The following LAMA3 variants were observed in gnomAD, a reference collection of about 807,000 sequenced individuals.
The protein encoded by LAMA3 is laminin subunit alpha 3.
Under a neutral mutation model 402.0 loss-of-function variants are expected in LAMA3, and 281 were observed. The observed-to-expected ratio is 0.70, with a 90% CI of 0.63 to 0.77. LAMA3 has a LOEUF of 0.77. Ranked by LOEUF, LAMA3 falls within the 30% of genes least tolerant of loss-of-function variation. The probability of loss-of-function intolerance (pLI) is 0.00; values close to 1 mark genes in which losing one functional copy is unlikely to be tolerated. For synonymous variants in LAMA3, 1,431 were observed against 1,558.4 expected (o/e 0.92, Z 1.93); for missense variants, 3,840 against 4,215.5 (o/e 0.91, Z 2.47).
rs768751682 is a variant in LAMA3, at chr18:23,861,762, C to G, written c.4539C>G (p.Ile1513Met). The change falls in exon 35 of 75, where the codon ATC becomes ATG. Residue 1513 changes from isoleucine to methionine, a missense_variant. Physicochemically the swap from Ile to Met is conservative, Grantham distance 10. Coordinates refer to ENST00000313654, the MANE Select transcript of LAMA3 (RefSeq NM_198129.4). ...ATCTCCAGGAGCTGCCCGCAACCAT[C>G]CACAGCGCGTCCTGGGTCGCACCCA... ...VADLQELPAT[I>M]HSASWVAPTS... is the part of the protein sequence containing the mutation. 3.1e-6 allele frequency: 5 copies of G among 1,613,858 alleles called. No individual in the cohort carries two copies. In the Admixed American group the frequency reaches 8.3e-5, roughly 27 times the overall value.
intron 42 of LAMA3, among the ~76,000 whole-genome samples, chr18:23,892,933 C>A (rs2080734371): frequency 6.8e-6 from 1 of 146,198 alleles, no homozygotes; most frequent in South Asian, 2.1e-4. Flanking sequence ...GCAAGTAAGG[C>A]TTTTTTTAAA....
chr18:23,840,331 T>G (rs1056787405), intron 27 of LAMA3, among the ~76,000 whole-genome samples: 3 of 152,040 alleles, frequency 2.0e-5, no homozygotes, highest in African/African-American at 7.2e-5. Flanking sequence ...TCTTCCCAAG[T>G]TGGATCATAA....
At chr18:23,901,354 C>G in intron 48 of LAMA3, 31 bp downstream of exon 48, 6 of 1,566,186 alleles carry the variant, frequency 3.8e-6, no homozygotes, top group Non-Finnish European at 5.3e-6. Flanking sequence ...TGCACACTTT[C>G]GTTAATAAGG....
intron 62 of LAMA3, among the ~76,000 whole-genome samples, chr18:23,924,127 C>A (rs1358666049): frequency 6.6e-6 from 1 of 152,002 alleles, no homozygotes; most frequent in Non-Finnish European, 1.5e-5. Context: ...GGGTTACAGG[C>A]GTGAGCCACT....
intron 25 of LAMA3, among the ~76,000 whole-genome samples, chr18:23,838,210 A>G (rs1248263396): frequency 1.3e-5 from 2 of 152,216 alleles, no homozygotes; most frequent in Non-Finnish European, 2.9e-5. Flanking sequence ...CAAGCTGGTA[A>G]TACAGTTTTG....
At chr18:23,715,276 A>G (rs754649913) in intron 2 of LAMA3, among the ~76,000 whole-genome samples, 11 of 152,056 alleles carry the variant, frequency 7.2e-5, no homozygotes, top group Middle Eastern at 3.2e-3. Context: ...TTGTATCTCA[A>G]TAAAACTGTT....
At chr18:23,776,815 G>C (rs1376234306) in intron 10 of LAMA3, among the ~76,000 whole-genome samples, 1 of 151,016 alleles carries the variant, frequency 6.6e-6, no homozygotes, top group Non-Finnish European at 1.5e-5. Context: ...AGTCTTGGTA[G>C]AAGGCTGAAC....
chr18:23,792,453 A>G (rs1451599009), intron 12 of LAMA3, among the ~76,000 whole-genome samples: 4 of 152,012 alleles, frequency 2.6e-5, no homozygotes, highest in African/African-American at 9.7e-5. Context: ...TTTTATAACA[A>G]CCCACTCTCA....
intron 1 of LAMA3, among the ~76,000 whole-genome samples, chr18:23,710,517 TGATTAA>T (rs2060972294): frequency 6.6e-6 from 1 of 152,126 alleles, no homozygotes; most frequent in Non-Finnish European, 1.5e-5. Context: ...TCAAGAAAAA[TGATTAA>T]GAAGGCTGCA....
In LAMA3 at chr18:23,844,506, G is replaced by C. The variant is rs368345211; in HGVS notation, c.3604-503G>C. Among the ~76,000 whole-genome samples the C allele has an allele frequency of 8.1e-4, 123 of 152,340 alleles. 3 individuals are homozygous for C. The South Asian group carries it at 0.024, about 30-fold the overall frequency. On this transcript the variant is annotated intron_variant, in intron 29 of 74. Coordinates refer to ENST00000313654, the MANE Select transcript of LAMA3 (RefSeq NM_198129.4). ...TCCCGTGACCCAGCCAGCATGCAAGGCTTTTGCTTCTCTGAGTAGAAGTTC... is the reference window on the plus strand; with the variant it reads ...TCCCGTGACCCAGCCAGCATGCAAGCCTTTTGCTTCTCTGAGTAGAAGTTC...
chr18:23,772,574 A>C (rs2062224635), intron 8 of LAMA3, among the ~76,000 whole-genome samples: 1 of 152,256 alleles, frequency 6.6e-6, no homozygotes, highest in South Asian at 2.1e-4. Context: ...TTTAGACCTC[A>C]ACATTAAAGT....
intron 62 of LAMA3, among the ~76,000 whole-genome samples, chr18:23,922,440 A>C (rs969167801): frequency 3.3e-5 from 5 of 152,234 alleles, no homozygotes; most frequent in African/African-American, 1.2e-4. Context: ...GTCCTTATAC[A>C]TGTGGGCGTC....
At chr18:23,842,133 T>C (rs2063714825) in intron 27 of LAMA3, among the ~76,000 whole-genome samples, 1 of 152,186 alleles carries the variant, frequency 6.6e-6, no homozygotes, top group Non-Finnish European at 1.5e-5. Flanking sequence ...CCAACATGTA[T>C]GATTGTACCA....
intron 12 of LAMA3, among the ~76,000 whole-genome samples, chr18:23,788,478 A>G (rs1479100112): frequency 1.3e-5 from 2 of 151,992 alleles, no homozygotes; most frequent in Non-Finnish European, 2.9e-5. Context: ...GAAGAAAACA[A>G]TAAAGGGGGA....
intron 2 of LAMA3, among the ~76,000 whole-genome samples, chr18:23,737,322 T>C (rs2061492372): frequency 1.3e-5 from 2 of 152,208 alleles, no homozygotes; most frequent in Non-Finnish European, 2.9e-5. Flanking sequence ...CCTATGCTGA[T>C]GGGGCGGAAA....
intron 2 of LAMA3, among the ~76,000 whole-genome samples, chr18:23,719,094 T>G (rs1046092693): frequency 1.3e-5 from 2 of 152,220 alleles, no homozygotes; most frequent in Non-Finnish European, 2.9e-5. Context: ...CCCTCCCTTA[T>G]GTTCCTCTCT....
At chr18:23,881,276 A>G (rs1302317080) in intron 39 of LAMA3, among the ~76,000 whole-genome samples, 2 of 152,204 alleles carry the variant, frequency 1.3e-5, no homozygotes, top group African/African-American at 4.8e-5. Flanking sequence ...AGATAACATT[A>G]ATTTCTTGCT....
chr18:23,857,890 G>T lies in LAMA3; in HGVS notation c.4183G>T (p.Gly1395Trp). 1 of 1,614,242 alleles carries T rather than the reference G, an allele frequency of 6.2e-7. No individual in the cohort carries two copies. The highest frequency in any genetic ancestry group is 8.5e-7 in the Non-Finnish European group (1 of 1,180,036). ...TGRQCDRCASGFYRFPECVPC... is the reference protein window; with the variant it reads ...TGRQCDRCASWFYRFPECVPC... Reference sequence around the variant, plus strand: ...GCGGCAGTGTGACCGATGTGCTTCCGGGTTTTACCGCTTTCCTGAGTGTGT... The same window carrying T: ...GCGGCAGTGTGACCGATGTGCTTCCTGGTTTTACCGCTTTCCTGAGTGTGT... The change falls in exon 33 of 75, where the codon GGG (glycine) becomes TGG (tryptophan). Residue 1395 changes from glycine (G) to tryptophan (W), a missense_variant. Gly to Trp is a radical substitution (Grantham distance 184). Coordinates refer to ENST00000313654, the MANE Select transcript of LAMA3 (RefSeq NM_198129.4).
At chr18:23,934,814 T>C (rs1327357607) in intron 67 of LAMA3, among the ~76,000 whole-genome samples, 1 of 152,250 alleles carries the variant, frequency 6.6e-6, no homozygotes, top group Admixed American at 6.5e-5. Context: ...TTGAGAGCTA[T>C]GTGCTCCTGT....
Sources: allele counts gnomAD v4.1 joint callset (sites outside exome capture counted in the v4.1 genomes callset), GRCh38; gene constraint gnomAD v4.1.1; transcripts MANE v1.5; gene names NCBI Gene and HGNC (gene_info 2026-07-23, HGNC 2026-07-21).